The following RHBDD1 variants were observed in gnomAD, a reference collection of about 807,000 sequenced individuals.
The protein encoded by RHBDD1 is rhomboid domain containing 1.
A neutral mutation model predicts 36.3 loss-of-function variants in RHBDD1; 38 were observed. The ratio of observed to expected loss-of-function variants is 1.05; its 90% CI spans 0.81 to 1.37. The LOEUF (loss-of-function observed/expected upper bound fraction) is 1.37, where lower values mean the gene tolerates loss of function less well. RHBDD1 is among the 40% of genes most tolerant of loss of function. The pLI is 0.00. For missense variants in RHBDD1, 393 were observed against 377.6 expected (o/e 1.04, Z -0.34); for synonymous variants, 151 against 136.5 (o/e 1.11, Z -0.74).
At chr2:226,817,548 C>T in the RHBDD1 span, among the ~76,000 whole-genome samples, 3 of 152,174 alleles carry the variant, frequency 2.0e-5, no homozygotes, top group East Asian at 5.8e-4. Context: ...TATGAAGTAT[C>T]AACCTGAAAC....
chr2:226,950,554 C>T (rs1951347288), intron 8 of RHBDD1, among the ~76,000 whole-genome samples: 1 of 152,146 alleles, frequency 6.6e-6, no homozygotes, highest in Non-Finnish European at 1.5e-5. Flanking sequence ...TTAGAGGAAA[C>T]TCCATGCTGT....
intron 5 of RHBDD1, among the ~76,000 whole-genome samples, chr2:226,873,733 G>C (rs1944982628): frequency 6.6e-6 from 1 of 152,194 alleles, no homozygotes; most frequent in African/African-American, 2.4e-5. Context: ...GAGGATGCTG[G>C]AGTTGGTTTT....
chr2:226,976,085 CA>C (rs773496382), intron 8 of RHBDD1, among the ~76,000 whole-genome samples: 13 of 151,468 alleles, frequency 8.6e-5, no homozygotes, highest in Non-Finnish European at 1.3e-4. Flanking sequence ...TGGATTGGAG[CA>C]GAGGTACAAA....
chr2:226,874,233 A>G (rs1945030087), intron 5 of RHBDD1, among the ~76,000 whole-genome samples: 1 of 152,198 alleles, frequency 6.6e-6, no homozygotes, highest in Admixed American at 6.5e-5. Flanking sequence ...CAGGAAGATT[A>G]TCTGCATGGA....
the RHBDD1 span, among the ~76,000 whole-genome samples, chr2:226,813,743 A>C: frequency 6.6e-6 from 1 of 152,170 alleles, no homozygotes; most frequent in South Asian, 2.1e-4. Context: ...GTGCTCAATA[A>C]ATATTAGCTG....
At chr2:226,804,901 T>A in the RHBDD1 span, 1 of 152,222 alleles carries the variant, frequency 6.6e-6, no homozygotes, top group African/African-American at 2.4e-5. Flanking sequence ...CTTATGCTTG[T>A]AATCTCCGCA....
At chr2:226,816,602 A>C in the RHBDD1 span, among the ~76,000 whole-genome samples, 1 of 152,174 alleles carries the variant, frequency 6.6e-6, no homozygotes, top group Non-Finnish European at 1.5e-5. Context: ...GAAAATATAA[A>C]ACATAGGTCT....
the RHBDD1 span, among the ~76,000 whole-genome samples, chr2:226,819,486 C>T: frequency 6.6e-6 from 1 of 152,146 alleles, no homozygotes; most frequent in Non-Finnish European, 1.5e-5. Context: ...AATACTCATC[C>T]TTGTGTAATT....
intron 8 of RHBDD1, among the ~76,000 whole-genome samples, chr2:226,952,301 T>G (rs916955069): frequency 6.8e-6 from 1 of 147,412 alleles, no homozygotes; most frequent in Non-Finnish European, 1.5e-5. Flanking sequence ...TGGTTTTTTT[T>G]TTTTTTTTTT....
intron 8 of RHBDD1, among the ~76,000 whole-genome samples, chr2:226,985,961 C>G (rs1462005633): frequency 1.3e-5 from 2 of 152,236 alleles, no homozygotes; most frequent in African/African-American, 4.8e-5. Flanking sequence ...GTGGAGAAAA[C>G]TGATGAAAGC....
At chr2:226,958,702 C>CTGTGTGTGTGTGTGTGTGTGTG (rs10666758) in intron 8 of RHBDD1, among the ~76,000 whole-genome samples, 5 of 138,826 alleles carry the variant, frequency 3.6e-5, no homozygotes, top group African/African-American at 1.3e-4. Flanking sequence ...AAGGATTTTT[C>CTGTGTGTGTGTGTGTGTGTGTG]TGTGTGTGTG....
chr2:226,880,115 A>G (rs1259682887), intron 5 of RHBDD1, among the ~76,000 whole-genome samples: 1 of 152,190 alleles, frequency 6.6e-6, no homozygotes, highest in Non-Finnish European at 1.5e-5. Flanking sequence ...GTAAGATTAC[A>G]TCTTCTGTCT....
the RHBDD1 span, among the ~76,000 whole-genome samples, chr2:226,820,720 C>G: frequency 6.6e-6 from 1 of 150,474 alleles, no homozygotes; most frequent in Admixed American, 6.6e-5. Flanking sequence ...GTCCCAGCTA[C>G]TCAGGTGGTA....
the RHBDD1 span, among the ~76,000 whole-genome samples, chr2:226,802,899 T>C: frequency 2.6e-5 from 4 of 152,228 alleles, no homozygotes; most frequent in Non-Finnish European, 4.4e-5. Context: ...AATTGAGTTA[T>C]TGGTTTATGT....
intron 7 of RHBDD1, among the ~76,000 whole-genome samples, chr2:226,912,446 A>G (rs1323542001): frequency 6.6e-6 from 1 of 152,190 alleles, no homozygotes; most frequent in Non-Finnish European, 1.5e-5. Flanking sequence ...AAAGGTAGAA[A>G]TAATACAAAT....
intron 3 of RHBDD1, among the ~76,000 whole-genome samples, chr2:226,858,376 T>C (rs1034439675): frequency 4.6e-5 from 7 of 152,206 alleles, no homozygotes; most frequent in African/African-American, 9.7e-5. Flanking sequence ...TGTTATACTT[T>C]TAGTAATATG....
At chr2:226,833,566 T>C (rs994714342), upstream of RHBDD1, among the ~76,000 whole-genome samples, 1 of 152,208 alleles carries the variant, frequency 6.6e-6, no homozygotes, top group African/African-American at 2.4e-5. Flanking sequence ...CTGTAAACCT[T>C]AGATAAAAGT....
chr2:226,849,935 T>C (rs1326047601), intron 3 of RHBDD1, among the ~76,000 whole-genome samples: 3 of 152,080 alleles, frequency 2.0e-5, no homozygotes, highest in African/African-American at 7.2e-5. Context: ...CATCTTGCCA[T>C]TCCTGTCTTG....
chr2:226,948,164 G>A (rs10175400), intron 8 of RHBDD1, among the ~76,000 whole-genome samples: 58,804 of 136,524 alleles, frequency 0.43, 13,063 homozygotes, highest in African/African-American at 0.5. Context: ...CTTGGAACCA[G>A]CGCAAATGTC....
Sources: gnomAD v4.1 joint callset for allele counts (sites outside exome capture counted in the v4.1 genomes callset) on GRCh38, gnomAD v4.1.1 for gene constraint, MANE v1.5 for transcripts, NCBI Gene and HGNC (gene_info 2026-07-23, HGNC 2026-07-21) for gene names.